LARP6: variants seen among roughly 807,000 people sequenced by gnomAD.
LARP6 encodes la-related protein 6.
In LARP6, 18 loss-of-function variants were observed where a neutral mutation model predicts 32.8. The ratio of observed to expected loss-of-function variants is 0.55; its 90% CI spans 0.38 to 0.81. The LOEUF (loss-of-function observed/expected upper bound fraction) is 0.81. Among genes scored for constraint, LARP6 ranks in the 40% least tolerant of loss-of-function variants. LARP6 has a pLI of 0.00. For synonymous variants in LARP6, 289 were observed against 267.2 expected (o/e 1.08, Z -0.80); for missense variants, 598 against 663.1 (o/e 0.90, Z 1.08).
At chr15:70,837,741 C>T (rs2032174586) in intron 1 of LARP6, among the ~76,000 whole-genome samples, 1 of 152,190 alleles carries the variant, frequency 6.6e-6, no homozygotes, top group Admixed American at 6.5e-5. Flanking sequence ...CTTGGCCTCC[C>T]AAAGTGCTGG....
chr15:70,839,621 C>T (rs1030904285), intron 1 of LARP6, among the ~76,000 whole-genome samples: 2 of 151,928 alleles, frequency 1.3e-5, no homozygotes, highest in African/African-American at 2.4e-5. Flanking sequence ...CTCGCTCTGT[C>T]GCCCAGGCTG....
Position 70,833,033 on chromosome 15 carries a change from C to T in LARP6, c.495G>A (p.Arg165=). 1 of 1,613,990 alleles carries T rather than the reference C, an allele frequency of 6.2e-7. No individual in the cohort carries two copies. Among genetic ancestry groups the T allele is most frequent in the Non-Finnish European group, 8.5e-7 (1 of 1,179,938 alleles). The change falls in exon 3 of 3, where the codon CGG becomes CGA. Residue 165 remains arginine (R), a synonymous_variant. Transcript: ENST00000299213. ...GGACGGGGGTGGTCCTCCTCACCTT[C>T]CGGTGGTCCTCATTCAACTCAAGGA... ...SVVLELNEDH[R]KVRRTTPVPL... is the part of the protein sequence containing the mutation.
chr15:70,850,979 C>T (rs755826935), intron 1 of LARP6, among the ~76,000 whole-genome samples: 1 of 152,052 alleles, frequency 6.6e-6, no homozygotes, highest in Non-Finnish European at 1.5e-5. Flanking sequence ...GAAGCAAATG[C>T]CTCAACCCAG....
chr15:70,832,503 G>C lies in LARP6; in HGVS notation c.1025C>G (p.Pro342Arg). Residue 342 changes from proline (P) to arginine (R), a missense_variant, in exon 3 of 3, where the codon CCC becomes CGC. This residue lies in a region of LARP6 where 368 missense variants were observed against 397.9 expected (regional missense o/e 0.92). Transcript: ENST00000299213. Reference sequence around the variant, plus strand: ...CATAGGGGATGTGGGGTTGCTCTCGGGGTCAGAGGAGCTGTTGGCAGAAGA... The same window carrying C: ...CATAGGGGATGTGGGGTTGCTCTCGCGGTCAGAGGAGCTGTTGGCAGAAGA... ...DESSANSSSD[P>R]ESNPTSPMAG... 1 of 1,542,422 alleles carries C rather than the reference G, an allele frequency of 6.5e-7. No homozygotes were observed. Among genetic ancestry groups the C allele is most frequent in the Non-Finnish European group, 8.7e-7 (1 of 1,148,382 alleles).
At chr15:70,848,635 G>A (rs2032390406) in intron 1 of LARP6, among the ~76,000 whole-genome samples, 1 of 152,000 alleles carries the variant, frequency 6.6e-6, no homozygotes, top group African/African-American at 2.4e-5. Flanking sequence ...GGGAGGCTGA[G>A]GCATAAGAAT....
At chr15:70,834,532 A>G (rs755669496) in intron 2 of LARP6, among the ~76,000 whole-genome samples, 2 of 152,166 alleles carry the variant, frequency 1.3e-5, no homozygotes, top group Non-Finnish European at 2.9e-5. Context: ...AAAAAGAGAC[A>G]ATTTCCTAAG....
rs778158575 is a variant in LARP6 at position 70,836,474 on chromosome 15, G to T, written c.232C>A (p.Arg78Ser). The T allele has an allele frequency of 1.9e-6, 3 of 1,613,964 alleles. No homozygotes were observed. In the African/African-American group the frequency reaches 4.0e-5, roughly 22 times the overall value. The change falls in exon 2 of 3, where the codon CGT (arginine) becomes AGT (serine). Residue 78 changes from arginine to serine, a missense_variant. Physicochemically the swap from Arg to Ser is moderately radical, Grantham distance 110 (BLOSUM62 -1). Transcript: ENST00000299213. ...TTCCACTCCTGCTCCAGGTCCTCAC[G>T]CTCGTTCTCACCTCCACTTGCAGTG... ...GTTASGGENE[R>S]EDLEQEWKPP...
In LARP6 at chr15:70,832,647, T is replaced by C; in HGVS notation, c.881A>G (p.Lys294Arg). 1 of 1,610,244 alleles carries C rather than the reference T, an allele frequency of 6.2e-7. No individual in the cohort carries two copies. The highest frequency in any genetic ancestry group is 8.5e-7 in the Non-Finnish European group (1 of 1,178,992). ...ENMKAVLIGM[K>R]PPKKKPAKDK... Reference sequence around the variant, plus strand: ...TTTGGCAGGTTTCTTTTTGGGTGGCTTCATACCAATCAGGACAGCTTTCAT... The same window carrying C: ...TTTGGCAGGTTTCTTTTTGGGTGGCCTCATACCAATCAGGACAGCTTTCAT... Residue 294 changes from lysine (K) to arginine (R), a missense_variant, in exon 3 of 3, where the codon AAG becomes AGG. By Grantham distance (26) the Lys-to-Arg change is conservative. Transcript: ENST00000299213.
chr15:70,844,565 G>A (rs1262887304), intron 1 of LARP6, among the ~76,000 whole-genome samples: 2 of 152,108 alleles, frequency 1.3e-5, no homozygotes, highest in African/African-American at 4.8e-5. Context: ...TCCCTACAGG[G>A]CTAAGTCATT....
intron 2 of LARP6, among the ~76,000 whole-genome samples, chr15:70,835,024 G>T (rs1325666042): frequency 6.6e-6 from 1 of 152,194 alleles, no homozygotes; most frequent in African/African-American, 2.4e-5. Flanking sequence ...AAAACAGGCT[G>T]ACTCTTGGGG....
rs2032036527 is a variant in LARP6, at chr15:70,831,325, C to G, written c.*727G>C. ...CTGCCCTGGGGTACAGTGAGAAACC[C>G]TAAATGCCCTGACTTGATCACTATG... On this transcript the variant is annotated 3_prime_UTR_variant, in exon 3 of 3. Coordinates refer to ENST00000299213, the MANE Select transcript of LARP6 (RefSeq NM_018357.4). 1 of 152,216 alleles carries G rather than the reference C, an allele frequency of 6.6e-6. No individual in the cohort carries two copies. The highest frequency in any genetic ancestry group is 2.1e-4 in the South Asian group (1 of 4,828). 9.4% of individuals were successfully genotyped at this position (152,216 alleles called of 1,614,324 possible).
In LARP6 at chr15:70,830,262, A is replaced by G. The variant is rs2032016364; in HGVS notation, c.*1790T>C. ...ATCACCTGCTAATTTGTATAGAGCC[A>G]TATCATTTAGGATATACTATCTTTG... On this transcript the variant is annotated 3_prime_UTR_variant, in exon 3 of 3. Transcript: ENST00000299213. 1 of 152,280 alleles carries G rather than the reference A, an allele frequency of 6.6e-6. No homozygotes were observed. Among genetic ancestry groups the G allele is most frequent in the Non-Finnish European group, 1.5e-5 (1 of 68,050 alleles). 9.4% of individuals were successfully genotyped at this position (152,280 alleles called of 1,614,324 possible).
At chr15:70,845,776 T>C (rs2032334758) in intron 1 of LARP6, among the ~76,000 whole-genome samples, 1 of 152,244 alleles carries the variant, frequency 6.6e-6, no homozygotes, top group Non-Finnish European at 1.5e-5. Context: ...GTTTTCTTCC[T>C]AGATGGCTCT....
At position 70,832,484 on chromosome 15, in the gene LARP6, G is replaced by A; in HGVS notation, c.1044C>T (p.Ser348=). The A allele has an allele frequency of 6.5e-7, 1 of 1,548,492 alleles. No individual in the cohort carries two copies. The highest frequency in any genetic ancestry group is 1.3e-5 in the South Asian group (1 of 78,752). Residue 348 remains serine (S), a synonymous_variant, in exon 3 of 3, where the codon TCC becomes TCT. Coordinates refer to ENST00000299213, the MANE Select transcript of LARP6 (RefSeq NM_018357.4). ...SSSDPESNPT[S]PMAGRRHAAT... is the part of the protein sequence containing the mutation. ...CCGCGTGCCGTCGGCCCGCCATAGG[G>A]GATGTGGGGTTGCTCTCGGGGTCAG...
At position 70,833,072 on chromosome 15, in the gene LARP6, C is replaced by T. The variant is rs1368430828; in HGVS notation, c.456G>A (p.Leu152=). The change falls in exon 3 of 3, where the codon TTG becomes TTA. Residue 152 remains leucine (L), a synonymous_variant. Transcript: ENST00000299213. The stretch of plus-strand genomic sequence containing the variant: ...TCAACTCAAGGACCACTGAATACTT[C>T]AAAGCATGTGCTGTGGTTCTCCAGT... The part of the protein sequence containing the change: ...TRDWRTTAHA[L]KYSVVLELNE... 2 of 1,614,180 alleles carry T rather than the reference C, an allele frequency of 1.2e-6. No homozygotes were observed. Among genetic ancestry groups the T allele is most frequent in the Non-Finnish European group, 1.7e-6 (2 of 1,180,016 alleles).
At chr15:70,833,719 T>G (rs1481742750) in intron 2 of LARP6, among the ~76,000 whole-genome samples, 1 of 152,220 alleles carries the variant, frequency 6.6e-6, no homozygotes. Flanking sequence ...GATTTGGAGA[T>G]TTTAACATTC....
chr15:70,847,212 GT>G (rs2032363883), intron 1 of LARP6, among the ~76,000 whole-genome samples: 1 of 152,178 alleles, frequency 6.6e-6, no homozygotes, highest in East Asian at 1.9e-4. Flanking sequence ...GCTTGAAAAA[GT>G]TTTACACTTA....
intron 1 of LARP6, among the ~76,000 whole-genome samples, chr15:70,841,858 A>C (rs968201096): frequency 6.6e-6 from 1 of 152,100 alleles, no homozygotes; most frequent in Non-Finnish European, 1.5e-5. Context: ...CTTTTCTTAT[A>C]AATTACCCAG....
At chr15:70,845,259 AG>A (rs2032325037) in intron 1 of LARP6, among the ~76,000 whole-genome samples, 1 of 152,162 alleles carries the variant, frequency 6.6e-6, no homozygotes, top group African/African-American at 2.4e-5. Context: ...GATCCCATCC[AG>A]GACACCACAA....
Sources: allele counts gnomAD v4.1 joint callset (sites outside exome capture counted in the v4.1 genomes callset), GRCh38; gene constraint gnomAD v4.1.1; regional missense constraint gnomAD v4.1.1; transcripts MANE v1.5; gene names NCBI Gene and HGNC (gene_info 2026-07-23, HGNC 2026-07-21).